PRKCQ: variants seen among roughly 807,000 people sequenced by gnomAD.
PRKCQ encodes the protein protein kinase C theta type.
A neutral mutation model predicts 91.2 loss-of-function variants in PRKCQ; 41 were observed. The observed-to-expected ratio is 0.45, with a 90% CI of 0.35 to 0.58. The LOEUF is 0.58. PRKCQ is among the 20% of genes least tolerant of loss of function. The probability of loss-of-function intolerance (pLI) is 0.00; values close to 1 mark genes in which losing one functional copy is unlikely to be tolerated. For missense variants in PRKCQ, 673 were observed against 896.5 expected (o/e 0.75, Z 3.18); for synonymous variants, 307 against 316.9 (o/e 0.97, Z 0.33).
chr10:6,401,511 G>A, the PRKCQ span, among the ~76,000 whole-genome samples: 2 of 146,516 alleles, frequency 1.4e-5, no homozygotes, highest in Non-Finnish European at 3.0e-5. Context: ...GAGAGGGCTG[G>A]TTTTTTTTTT....
chr10:6,454,806 G>A (rs544484752), intron 15 of PRKCQ, among the ~76,000 whole-genome samples: 4 of 152,210 alleles, frequency 2.6e-5, no homozygotes, highest in East Asian at 1.9e-4. Flanking sequence ...GAAGTTGCTC[G>A]TGGAGGATGT....
chr10:6,555,131 TGGG>T (rs1243435475), intron 1 of PRKCQ, among the ~76,000 whole-genome samples: 3 of 143,758 alleles, frequency 2.1e-5, no homozygotes, highest in Admixed American at 1.4e-4. Context: ...CAAGTAAAGG[TGGG>T]AGGGGGGGGG....
At chr10:6,530,029 T>TGG (rs1839335326) in intron 1 of PRKCQ, among the ~76,000 whole-genome samples, 1 of 152,192 alleles carries the variant, frequency 6.6e-6, no homozygotes, top group South Asian at 2.1e-4. Context: ...CACACACATT[T>TGG]GTTTTTTGCT....
intron 1 of PRKCQ, among the ~76,000 whole-genome samples, chr10:6,524,444 C>T (rs1839126707): frequency 6.6e-6 from 1 of 152,134 alleles, no homozygotes; most frequent in African/African-American, 2.4e-5. Flanking sequence ...AGTCCCTTTC[C>T]ACAGCATCCT....
chr10:6,489,513 T>G (rs575965888), intron 8 of PRKCQ: 1 of 515,058 alleles, frequency 1.9e-6, no homozygotes. Flanking sequence ...GAGGCCCTAC[T>G]TAAGACGACG....
At chr10:6,485,376 G>T in intron 9 of PRKCQ, 107 bp from the exon 10 acceptor site, 1 of 845,330 alleles carries the variant, frequency 1.2e-6, no homozygotes, top group Non-Finnish European at 2.0e-6. Flanking sequence ...TAAATGCATA[G>T]GGTCAACAAA....
At chr10:6,524,401 A>G (rs1292843568) in intron 1 of PRKCQ, among the ~76,000 whole-genome samples, 1 of 152,154 alleles carries the variant, frequency 6.6e-6, no homozygotes, top group Non-Finnish European at 1.5e-5. Flanking sequence ...AAGTGCTTGG[A>G]GGGCCTGAAT....
At chr10:6,409,010 G>C in the PRKCQ span, among the ~76,000 whole-genome samples, 1 of 152,238 alleles carries the variant, frequency 6.6e-6, no homozygotes, top group Non-Finnish European at 1.5e-5. Flanking sequence ...TTCATGAAGT[G>C]AATTTTGTGC....
chr10:6,414,890 G>A, the PRKCQ span, among the ~76,000 whole-genome samples: 1 of 152,014 alleles, frequency 6.6e-6, no homozygotes, highest in South Asian at 2.1e-4. Context: ...AAAGGAGGAG[G>A]AGACAGAAAA....
chr10:6,515,234 T>A (rs1390683702), intron 1 of PRKCQ, 90 bp from the exon 2 acceptor site: 1 of 1,585,084 alleles, frequency 6.3e-7, no homozygotes, highest in Non-Finnish European at 8.5e-7. Flanking sequence ...TGCTTTATCA[T>A]GGACAGCCAG....
At chr10:6,442,412 C>T (rs905763191) in intron 15 of PRKCQ, among the ~76,000 whole-genome samples, 1 of 152,168 alleles carries the variant, frequency 6.6e-6, no homozygotes, top group African/African-American at 2.4e-5. Flanking sequence ...CCTAAGAAAG[C>T]TGGTATGTGT....
intron 1 of PRKCQ, among the ~76,000 whole-genome samples, chr10:6,564,449 C>T (rs1840761950): frequency 6.6e-6 from 1 of 152,162 alleles, no homozygotes; most frequent in African/African-American, 2.4e-5. Flanking sequence ...CCCTCTGCTG[C>T]CCCTCCTTGA....
intron 17 of PRKCQ, among the ~76,000 whole-genome samples, chr10:6,429,086 A>C (rs1001735941): frequency 5.3e-5 from 8 of 152,232 alleles, no homozygotes; most frequent in African/African-American, 1.9e-4. Context: ...CTATGAACAC[A>C]GAGAAGCGAA....
intron 12 of PRKCQ, 117 bp from the exon 13 acceptor site, chr10:6,464,521 G>A (rs1835533626): frequency 2.1e-5 from 17 of 796,656 alleles, no homozygotes; most frequent in Non-Finnish European, 3.4e-5. Flanking sequence ...GTGATCTCGG[G>A]TCACTGCAAC....
chr10:6,455,304 A>C (rs1834946137), intron 15 of PRKCQ, among the ~76,000 whole-genome samples: 1 of 152,272 alleles, frequency 6.6e-6, no homozygotes, highest in Non-Finnish European at 1.5e-5. Context: ...AATGAAACAT[A>C]GATTTCTACG....
chr10:6,458,697 G>A (rs1835158864), intron 14 of PRKCQ, among the ~76,000 whole-genome samples: 1 of 152,158 alleles, frequency 6.6e-6, no homozygotes, highest in African/African-American at 2.4e-5. Flanking sequence ...CCAAGGAACA[G>A]GGACCATGAC....
chr10:6,404,980 C>CTCTCTT, the PRKCQ span, among the ~76,000 whole-genome samples: 3 of 137,578 alleles, frequency 2.2e-5, no homozygotes, highest in African/African-American at 2.5e-5. Flanking sequence ...CTCTCTCTCT[C>CTCTCTT]TCTTTCTTTC....
chr10:6,415,415 T>TATAC, the PRKCQ span, among the ~76,000 whole-genome samples: 1 of 8,388 alleles, frequency 1.2e-4, no homozygotes, highest in African/African-American at 2.1e-4. Context: ...CATATATATA[T>TATAC]ATATATATAT....
At chr10:6,561,369 C>CGAAAAAAAA (rs1564394645) in intron 1 of PRKCQ, among the ~76,000 whole-genome samples, 1 of 82,638 alleles carries the variant, frequency 1.2e-5, no homozygotes, top group Non-Finnish European at 2.3e-5. Context: ...GACCCTGTCT[C>CGAAAAAAAA]AAAAAAAAAA....
Sources: allele counts gnomAD v4.1 joint callset (sites outside exome capture counted in the v4.1 genomes callset), GRCh38; gene constraint gnomAD v4.1.1; transcripts MANE v1.5; gene names NCBI Gene and HGNC (gene_info 2026-07-23, HGNC 2026-07-21).